EIF4E3: variants seen among roughly 807,000 people sequenced by gnomAD.
EIF4E3 encodes eukaryotic translation initiation factor 4E type 3.
A neutral mutation model predicts 31.7 loss-of-function variants in EIF4E3; 26 were observed. That is an observed-to-expected ratio of 0.82 (90% CI 0.60 to 1.14). The LOEUF (loss-of-function observed/expected upper bound fraction) is 1.14, where lower values mean the gene tolerates loss of function less well. Among genes scored for constraint, EIF4E3 ranks in the 50% most tolerant of loss-of-function variants. The pLI is 0.00. For missense variants in EIF4E3, 304 were observed against 270.9 expected, an observed-to-expected ratio of 1.12 and a Z score of -0.86; for synonymous variants, 128 against 107.7, an observed-to-expected ratio of 1.19 and a Z score of -1.17.
At chr3:71,745,093 C>A (rs182477253) in intron 1 of EIF4E3, among the ~76,000 whole-genome samples, 10 of 152,328 alleles carry the variant, frequency 6.6e-5, no homozygotes, top group African/African-American at 2.2e-4. Context: ...GAACCCAAGT[C>A]ATACTTTTTA....
chr3:71,721,303 G>A (rs1323484493), intron 1 of EIF4E3, among the ~76,000 whole-genome samples: 1 of 152,210 alleles, frequency 6.6e-6, no homozygotes, highest in African/African-American at 2.4e-5. Context: ...AGGCATCCGG[G>A]ACGAGAACTC....
chr3:71,684,695 C>A lies in EIF4E3; in HGVS notation c.662G>T (p.Arg221Leu), dbSNP rs760948130. The change falls in exon 7 of 7, where the codon CGT (arginine) becomes CTT (leucine). Residue 221 changes from arginine to leucine, a missense_variant. Transcript: ENST00000425534. ...TACAGAGTGCAATTAGTGTTTTCCA[C>A]GTCCACCTTCAAAAGCATGATGCTC... ...HEEHHAFEGG[R>L]GKH The A allele has an allele frequency of 6.2e-7, 1 of 1,613,514 alleles. No individual in the cohort carries two copies. The highest frequency in any genetic ancestry group is 8.5e-7 in the Non-Finnish European group (1 of 1,179,868).
At position 71,679,856 on chromosome 3, in the gene EIF4E3, C is replaced by T. The variant is rs1183058995; in HGVS notation, c.*4826G>A. On this transcript the variant is annotated 3_prime_UTR_variant, in exon 7 of 7. Coordinates refer to ENST00000425534, the MANE Select transcript of EIF4E3 (RefSeq NM_001134651.2). ...TACATGCAATTTTATAGCTCTATAACGTTCATTTAATCTTGTTCAATGATG... is the reference window on the plus strand; with the variant it reads ...TACATGCAATTTTATAGCTCTATAATGTTCATTTAATCTTGTTCAATGATG... The T allele has an allele frequency of 2.6e-5, 4 of 152,056 alleles. No homozygotes were observed. The highest frequency in any genetic ancestry group is 5.9e-5 in the Non-Finnish European group (4 of 68,018). The allele number at this position is 152,056 out of a possible 1,614,324, so 9.4% of individuals were successfully genotyped here. A position where few individuals can be genotyped will look rare whatever the true frequency, so the allele number is the denominator to read the frequency against.
intron 1 of EIF4E3, among the ~76,000 whole-genome samples, chr3:71,719,751 C>A (rs981347759): frequency 6.6e-6 from 1 of 151,918 alleles, no homozygotes; most frequent in Non-Finnish European, 1.5e-5. Flanking sequence ...TTGGACAGGG[C>A]GCCTCTAATC....
At chr3:71,667,392 C>T in the EIF4E3 span, among the ~76,000 whole-genome samples, 81 of 152,238 alleles carry the variant, frequency 5.3e-4, no homozygotes, top group South Asian at 0.017. Flanking sequence ...GTATTGGAAG[C>T]TCTGGCCAGG....
intron 1 of EIF4E3, among the ~76,000 whole-genome samples, chr3:71,748,783 G>A (rs1369761639): frequency 2.0e-5 from 3 of 152,070 alleles, no homozygotes; most frequent in South Asian, 2.1e-4. Context: ...AGTATATTCT[G>A]AGAAAGCAAG....
At chr3:71,718,446 A>G (rs1307033323) in intron 1 of EIF4E3, among the ~76,000 whole-genome samples, 2 of 152,192 alleles carry the variant, frequency 1.3e-5, no homozygotes, top group Non-Finnish European at 2.9e-5. Context: ...TTCCTAGTCT[A>G]TCTTACAGCT....
chr3:71,713,417 T>A (rs956454371), intron 1 of EIF4E3, among the ~76,000 whole-genome samples: 4 of 152,180 alleles, frequency 2.6e-5, no homozygotes, highest in African/African-American at 4.8e-5. Flanking sequence ...AAGTCCACCA[T>A]TTTTGCTGAA....
At chr3:71,659,431 A>T in the EIF4E3 span, among the ~76,000 whole-genome samples, 1 of 152,204 alleles carries the variant, frequency 6.6e-6, no homozygotes, top group South Asian at 2.1e-4. Flanking sequence ...TCAAATCTGA[A>T]TAGAACATAC....
At chr3:71,695,326 T>G (rs968243009) in intron 4 of EIF4E3, among the ~76,000 whole-genome samples, 1 of 152,202 alleles carries the variant, frequency 6.6e-6, no homozygotes, top group Non-Finnish European at 1.5e-5. Context: ...TGCACGGATA[T>G]GAAAGCGTTA....
rs1163850738 is a variant in EIF4E3, at chr3:71,678,048, A to AACCT, written c.*6630_*6633dup. On this transcript the variant is annotated 3_prime_UTR_variant, in exon 7 of 7. Coordinates refer to ENST00000425534, the MANE Select transcript of EIF4E3 (RefSeq NM_001134651.2). The stretch of plus-strand genomic sequence containing the variant: ...GTTACTCCCCATCAGAATACCAGAT[A>AACCT]ACCTACTAAGCGTCAGACTCCATGC... The AACCT allele has an allele frequency of 3.9e-5, 6 of 152,324 alleles. No homozygotes were observed. The highest frequency in any genetic ancestry group is 3.9e-4 in the Admixed American group (6 of 15,300). 9.4% of individuals were successfully genotyped at this position (152,324 alleles called of 1,614,324 possible).
rs1245245634 is a variant in EIF4E3 at position 71,683,761 on chromosome 3, T to G, written c.*921A>C. On this transcript the variant is annotated 3_prime_UTR_variant, in exon 7 of 7. Coordinates refer to ENST00000425534, the MANE Select transcript of EIF4E3 (RefSeq NM_001134651.2). ...AAAGGGATCATTTAACAAAATGTGT[T>G]AGCGTTGACTGGGAAAGAAAGCCCT... The G allele has an allele frequency of 6.6e-6, 1 of 152,192 alleles. No homozygotes were observed. Among genetic ancestry groups the G allele is most frequent in the African/African-American group, 2.4e-5 (1 of 41,448 alleles). The allele number at this position is 152,192 out of a possible 1,614,324, so 9.4% of individuals were successfully genotyped here.
At chr3:71,750,832 C>T (rs1013999878) in intron 1 of EIF4E3, among the ~76,000 whole-genome samples, 134 of 149,670 alleles carry the variant, frequency 9.0e-4, no homozygotes, top group African/African-American at 3.1e-3. Flanking sequence ...GACACGATTT[C>T]GGCTCACTGC....
At chr3:71,685,056 G>A (rs1395680416) in intron 6 of EIF4E3, among the ~76,000 whole-genome samples, 1 of 152,162 alleles carries the variant, frequency 6.6e-6, no homozygotes. Context: ...AGGGGAAAAT[G>A]TGCCCCACAA....
intron 1 of EIF4E3, among the ~76,000 whole-genome samples, chr3:71,733,688 T>A: frequency 6.6e-6 from 1 of 152,132 alleles, no homozygotes; most frequent in East Asian, 1.9e-4. Context: ...TACTGGGAAG[T>A]CAATAAATAT....
At chr3:71,751,729 T>TA (rs1246617033) in intron 1 of EIF4E3, among the ~76,000 whole-genome samples, 1 of 152,228 alleles carries the variant, frequency 6.6e-6, no homozygotes, top group Non-Finnish European at 1.5e-5. Context: ...TCTTCCTACT[T>TA]AGATGGCTGG....
chr3:71,754,509 G>A (rs2049980628), upstream of EIF4E3: 7 of 1,291,498 alleles, frequency 5.4e-6, no homozygotes, highest in Non-Finnish European at 5.9e-6. The surrounding 1 kb of genome is among the most constrained non-coding windows in gnomAD (Gnocchi z 5.8). Context: ...GGCGCTGGCC[G>A]CGGCCTTCCC....
chr3:71,752,686 A>G (rs1236521767), intron 1 of EIF4E3, among the ~76,000 whole-genome samples: 1 of 152,260 alleles, frequency 6.6e-6, no homozygotes, highest in Admixed American at 6.5e-5. Context: ...GAGCCTAGTT[A>G]GAAGAGCATG....
chr3:71,744,426 A>AT (rs1166087525), intron 1 of EIF4E3, among the ~76,000 whole-genome samples: 2 of 152,200 alleles, frequency 1.3e-5, no homozygotes, highest in African/African-American at 2.4e-5. Context: ...AAGTAAGAGC[A>AT]TTTCCAGATA....
Sources: gnomAD v4.1 joint callset for allele counts (sites outside exome capture counted in the v4.1 genomes callset) on GRCh38, gnomAD v4.1.1 for gene constraint, Gnocchi (gnomAD v3.1) non-coding constraint, MANE v1.5 for transcripts, NCBI Gene and HGNC (gene_info 2026-07-23, HGNC 2026-07-21) for gene names.